The following PDE4D variants were observed in gnomAD, a reference collection of about 807,000 sequenced individuals.
The protein encoded by PDE4D is 3',5'-cyclic-AMP phosphodiesterase 4D.
A neutral mutation model predicts 87.4 loss-of-function variants in PDE4D; 24 were observed. That is an observed-to-expected ratio of 0.27 (90% CI 0.20 to 0.39). PDE4D has a LOEUF of 0.39. PDE4D is among the 10% of genes least tolerant of loss of function. The pLI is 1.00. For synonymous variants in PDE4D, 384 were observed against 383.2 expected, an observed-to-expected ratio of 1.00 and a Z score of -0.02; for missense variants, 714 against 1,041.0, an observed-to-expected ratio of 0.69 and a Z score of 4.32.
At chr5:60,206,509 A>G (rs1412502405) in intron 1 of PDE4D, among the ~76,000 whole-genome samples, 4 of 152,246 alleles carry the variant, frequency 2.6e-5, no homozygotes, top group Admixed American at 2.0e-4. Context: ...TTGTACTTAT[A>G]CTACACCTTT....
intron 1 of PDE4D, among the ~76,000 whole-genome samples, chr5:60,421,605 T>A (rs562002937): frequency 6.6e-6 from 1 of 152,292 alleles, no homozygotes; most frequent in East Asian, 1.9e-4. Context: ...GCAGAAAATT[T>A]AAAAATTCTA....
At chr5:60,415,057 T>G (rs2150073259) in intron 1 of PDE4D, among the ~76,000 whole-genome samples, 1 of 152,396 alleles carries the variant, frequency 6.6e-6, no homozygotes, top group East Asian at 1.9e-4. Flanking sequence ...GCACTCAACC[T>G]GGGTGAGACA....
chr5:59,535,076 TGGGG>T (rs72213048), intron 1 of PDE4D, among the ~76,000 whole-genome samples: 8 of 107,538 alleles, frequency 7.4e-5, no homozygotes, highest in African/African-American at 2.5e-4. Context: ...TGTGTGTGTG[TGGGG>T]GGGGGGTCCT....
At chr5:60,110,122 T>C (rs891357249) in intron 2 of PDE4D, among the ~76,000 whole-genome samples, 9 of 151,968 alleles carry the variant, frequency 5.9e-5, no homozygotes, top group South Asian at 2.1e-4. Context: ...TAAAAACTAT[T>C]TGGCTAAGAC....
At chr5:59,275,844 T>C (rs1764696083) in intron 1 of PDE4D, 1 of 985,818 alleles carries the variant, frequency 1.0e-6, no homozygotes, top group Non-Finnish European at 1.2e-6. Flanking sequence ...GGAGGTACTG[T>C]AACACGGGAG....
At chr5:59,966,090 C>T (rs1417057071) in intron 3 of PDE4D, among the ~76,000 whole-genome samples, 1 of 152,202 alleles carries the variant, frequency 6.6e-6, no homozygotes, top group Admixed American at 6.5e-5. Flanking sequence ...ATCTGTTACC[C>T]CCACCTCTCA....
chr5:59,153,712 G>T lies in PDE4D; in HGVS notation c.808+26883C>A, dbSNP rs189568925. Among the ~76,000 whole-genome samples, 4 of 151,742 alleles carry T rather than the reference G, an allele frequency of 2.6e-5. No homozygotes were observed. The East Asian group carries it at 7.8e-4, about 30-fold the overall frequency. ...CCCCAGAACCACACACTAGTACTATGTGTGGTTATAACAAAAGAATTGCTA... is the reference window on the plus strand; with the variant it reads ...CCCCAGAACCACACACTAGTACTATTTGTGGTTATAACAAAAGAATTGCTA... On this transcript the variant is annotated intron_variant, in intron 5 of 14. Coordinates refer to ENST00000340635, the MANE Select transcript of PDE4D (RefSeq NM_001104631.2).
At chr5:59,833,319 C>T (rs1437416385) in intron 1 of PDE4D, among the ~76,000 whole-genome samples, 1 of 151,876 alleles carries the variant, frequency 6.6e-6, no homozygotes, top group Non-Finnish European at 1.5e-5. Flanking sequence ...ATGGGGTCAA[C>T]TTAGCACCAG....
intron 1 of PDE4D, among the ~76,000 whole-genome samples, chr5:59,384,114 C>T (rs559414671): frequency 6.6e-6 from 1 of 152,132 alleles, no homozygotes; most frequent in Non-Finnish European, 1.5e-5. Context: ...CCAAGTTACC[C>T]AGGCTGGTCA....
At chr5:59,269,821 C>T (rs1763487805) in intron 1 of PDE4D, among the ~76,000 whole-genome samples, 1 of 151,874 alleles carries the variant, frequency 6.6e-6, no homozygotes, top group Admixed American at 6.6e-5. Context: ...CTAAAAATTA[C>T]AGTATAAATA....
intron 1 of PDE4D, among the ~76,000 whole-genome samples, chr5:59,802,691 C>T (rs1225305935): frequency 6.6e-6 from 1 of 151,988 alleles, no homozygotes; most frequent in Non-Finnish European, 1.5e-5. Context: ...GCCACTGTGC[C>T]CAGCCTCCAT....
chr5:59,233,544 T>A (rs1402709336), intron 1 of PDE4D, among the ~76,000 whole-genome samples: 1 of 152,170 alleles, frequency 6.6e-6, no homozygotes, highest in African/African-American at 2.4e-5. Context: ...TGTCGTAGGT[T>A]GAATCAGATG....
chr5:60,327,041 A>C (rs1338235889), intron 1 of PDE4D, among the ~76,000 whole-genome samples: 1 of 152,160 alleles, frequency 6.6e-6, no homozygotes, highest in Non-Finnish European at 1.5e-5. Flanking sequence ...CATGCCATAG[A>C]AAACCGTTTA....
intron 1 of PDE4D, among the ~76,000 whole-genome samples, chr5:59,753,557 A>ATCCCGCCACTGCACTCCAGCCTGGGC: frequency 6.6e-6 from 1 of 152,300 alleles, no homozygotes; most frequent in African/African-American, 2.4e-5. Context: ...GTTTATTAAA[A>ATCCCGCCACTGCACTCCAGCCTGGGC]GAGCTGACAG....
chr5:59,536,697 T>C (rs550165336), intron 1 of PDE4D, among the ~76,000 whole-genome samples: 1 of 152,190 alleles, frequency 6.6e-6, no homozygotes, highest in Middle Eastern at 3.4e-3. Flanking sequence ...AAGACCTTTA[T>C]TCAGACCCTT....
chr5:59,800,033 T>C (rs540700956), intron 1 of PDE4D, among the ~76,000 whole-genome samples: 2 of 152,092 alleles, frequency 1.3e-5, no homozygotes, highest in Non-Finnish European at 2.9e-5. Flanking sequence ...AAAAGACTAT[T>C]ATGGGGAGAA....
At chr5:59,425,232 G>C (rs1425184186) in intron 1 of PDE4D, among the ~76,000 whole-genome samples, 1 of 152,088 alleles carries the variant, frequency 6.6e-6, no homozygotes, top group African/African-American at 2.4e-5. Flanking sequence ...GTAAAAGAAA[G>C]TATTTTCATG....
intron 2 of PDE4D, among the ~76,000 whole-genome samples, chr5:60,183,218 A>T (rs1784516702): frequency 6.6e-6 from 1 of 152,214 alleles, no homozygotes. Context: ...CAGCCTGCAG[A>T]ATTGTGATAA....
At chr5:60,296,623 T>C (rs1173730355) in intron 1 of PDE4D, among the ~76,000 whole-genome samples, 1 of 152,160 alleles carries the variant, frequency 6.6e-6, no homozygotes, top group African/African-American at 2.4e-5. Flanking sequence ...CCTCATGCTA[T>C]TGCAAAAGAC....
Sources: allele counts gnomAD v4.1 joint callset (sites outside exome capture counted in the v4.1 genomes callset), GRCh38; gene constraint gnomAD v4.1.1; transcripts MANE v1.5; gene names NCBI Gene and HGNC (gene_info 2026-07-23, HGNC 2026-07-21).